The following BACH1 variants were observed in gnomAD, a reference collection of about 807,000 sequenced individuals.
BACH1 encodes the protein transcription regulator protein BACH1.
In BACH1, 35 loss-of-function variants were observed where a neutral mutation model predicts 52.9. The ratio of observed to expected loss-of-function variants is 0.66; its 90% CI spans 0.51 to 0.88. BACH1 has a LOEUF of 0.88. Ranked by LOEUF, BACH1 falls within the 40% of genes least tolerant of loss-of-function variation. The pLI is 0.00. For missense variants in BACH1, 808 were observed against 872.6 expected (o/e 0.93, Z 0.93); for synonymous variants, 321 against 319.6 (o/e 1.00, Z -0.05).
chr21:29,357,128 A>C (rs1263140566), intron 2 of BACH1, among the ~76,000 whole-genome samples: 1 of 152,220 alleles, frequency 6.6e-6, no homozygotes, highest in Non-Finnish European at 1.5e-5. Context: ...CATACTTGCT[A>C]TCTGTATACA....
chr21:29,325,232 A>C (rs1430507262), intron 2 of BACH1, among the ~76,000 whole-genome samples: 1 of 148,886 alleles, frequency 6.7e-6, no homozygotes, highest in Admixed American at 6.7e-5. Context: ...TCCGTCTTAG[A>C]AAAAAAAAAA....
Position 29,343,892 on chromosome 21 carries a change from G to C in BACH1, c.*1059G>C, listed in dbSNP as rs1019417447. On this transcript the variant is annotated 3_prime_UTR_variant, in exon 5 of 5. Coordinates refer to ENST00000286800, the MANE Select transcript of BACH1 (RefSeq NM_001186.4). ...AAATGTATCTGCAGCAACTCTGCAG[G>C]TTTGTGAAATAGGATGAAACTCAAT... 6.6e-6 allele frequency: 1 copy of C among 152,204 alleles called. No homozygotes were observed. Among genetic ancestry groups the C allele is most frequent in the Admixed American group, 6.5e-5 (1 of 15,278 alleles). The allele number at this position is 152,204 out of a possible 1,614,324, so 9.4% of individuals were successfully genotyped here.
intron 1 of BACH1, among the ~76,000 whole-genome samples, chr21:29,305,502 T>C (rs1322189333): frequency 3.3e-5 from 5 of 152,186 alleles, no homozygotes; most frequent in Admixed American, 6.5e-5. Flanking sequence ...GGGCCACCTT[T>C]TCTTCTTTGA....
At chr21:29,339,401 G>A (rs1370789626) in intron 4 of BACH1, among the ~76,000 whole-genome samples, 1 of 152,048 alleles carries the variant, frequency 6.6e-6, no homozygotes, top group Non-Finnish European at 1.5e-5. Flanking sequence ...AGTGCCATTT[G>A]CAGATTTCTC....
chr21:29,319,307 TAAGAG>T (rs2088822437), intron 1 of BACH1, among the ~76,000 whole-genome samples: 1 of 152,090 alleles, frequency 6.6e-6, no homozygotes. Context: ...GACAGGGTCT[TAAGAG>T]AAGGTATTGG....
intron 1 of BACH1, among the ~76,000 whole-genome samples, chr21:29,303,509 C>G (rs1055777615): frequency 2.0e-5 from 3 of 152,194 alleles, no homozygotes; most frequent in Non-Finnish European, 4.4e-5. Context: ...GAGAGAACAT[C>G]GTGTGTGGTA....
chr21:29,332,957 T>G (rs1188364913), intron 4 of BACH1, among the ~76,000 whole-genome samples: 1 of 152,150 alleles, frequency 6.6e-6, no homozygotes, highest in Non-Finnish European at 1.5e-5. Flanking sequence ...AGAGAAGTTG[T>G]GTTGGAATTT....
chr21:29,330,431 C>T (rs975502786), intron 4 of BACH1, among the ~76,000 whole-genome samples: 5 of 152,120 alleles, frequency 3.3e-5, no homozygotes, highest in African/African-American at 7.2e-5. Context: ...CTGCCTGTCT[C>T]GGCCTCCCAA....
chr21:29,359,460 G>A (rs2089258213), intron 2 of BACH1: 1 of 150,438 alleles, frequency 6.6e-6, no homozygotes, highest in Admixed American at 6.7e-5. Flanking sequence ...TCCATCTGGG[G>A]TGAACAGTTG....
At chr21:29,315,028 T>C (rs1381960733) in intron 1 of BACH1, among the ~76,000 whole-genome samples, 2 of 152,216 alleles carry the variant, frequency 1.3e-5, no homozygotes, top group African/African-American at 2.4e-5. Flanking sequence ...TTCCACAGAC[T>C]TTCTGATGTT....
intron 4 of BACH1, among the ~76,000 whole-genome samples, chr21:29,334,938 TGTC>T (rs963772503): frequency 6.6e-6 from 1 of 152,232 alleles, no homozygotes; most frequent in African/African-American, 2.4e-5. Flanking sequence ...CATTCCGTGT[TGTC>T]GTTGAGCAGC....
At chr21:29,355,084 TG>T (rs1175298966) in intron 2 of BACH1, among the ~76,000 whole-genome samples, 1 of 152,206 alleles carries the variant, frequency 6.6e-6, no homozygotes, top group African/African-American at 2.4e-5. Flanking sequence ...CCCTGCTGAC[TG>T]GGGTGGCCAG....
chr21:29,360,077 C>T (rs1316156682), intron 2 of BACH1, among the ~76,000 whole-genome samples: 3 of 152,204 alleles, frequency 2.0e-5, no homozygotes, highest in African/African-American at 7.2e-5. Context: ...CTACCTCTGA[C>T]CTGGAATCCC....
chr21:29,346,869 C>T (rs1167706857), downstream of BACH1, among the ~76,000 whole-genome samples: 1 of 151,896 alleles, frequency 6.6e-6, no homozygotes, highest in African/African-American at 2.4e-5. Flanking sequence ...AGAAGATGGT[C>T]TCTGGGGAGA....
intron 2 of BACH1, chr21:29,351,783 G>A (rs947020602): frequency 5.6e-6 from 3 of 533,816 alleles, no homozygotes; most frequent in Non-Finnish European, 1.2e-5. Context: ...ACACAGGAAT[G>A]AGAAGTAGAG....
intron 4 of BACH1, among the ~76,000 whole-genome samples, chr21:29,339,629 G>GTTTTTTT (rs34979217): frequency 1.0e-5 from 1 of 98,538 alleles, no homozygotes; most frequent in Non-Finnish European, 1.9e-5. Context: ...AGATGCAAAG[G>GTTTTTTT]TTTTTTTTTT....
rs10595449 is a variant in BACH1 at position 29,344,634 on chromosome 21, TTGTGTGTGTGTGTGTGTGTG to T, written c.*1817_*1836del. ...AGTGCATCCCATACTGCAAAAGAAT[TTGTGTGTGTGTGTGTGTGTG>T]TGTGTGTGTGTGTGTATGTGTATGT... is the stretch of plus-strand genomic sequence containing the variant. On this transcript the variant is annotated 3_prime_UTR_variant, in exon 5 of 5. Transcript: ENST00000286800. 1 of 149,202 alleles carries T rather than the reference TTGTGTGTGTGTGTGTGTGTG, an allele frequency of 6.7e-6. No individual in the cohort carries two copies. The highest frequency in any genetic ancestry group is 1.5e-5 in the Non-Finnish European group (1 of 67,010). The allele number at this position is 149,202 out of a possible 1,614,324, so 9.2% of individuals were successfully genotyped here.
intron 1 of BACH1, among the ~76,000 whole-genome samples, chr21:29,311,336 A>G (rs16983962): frequency 0.02 from 3,061 of 152,284 alleles, 81 homozygotes; most frequent in African/African-American, 0.062. Flanking sequence ...AACCATTTAC[A>G]TTTAACTAAA....
chr21:29,322,370 AAC>A lies in BACH1; in HGVS notation c.234+858_234+859del, dbSNP rs2088858875. Among the ~76,000 whole-genome samples the A allele has an allele frequency of 2.0e-5, 3 of 152,328 alleles. No homozygotes were observed. In the South Asian group the frequency reaches 6.2e-4, roughly 32 times the overall value. On this transcript the variant is annotated intron_variant, in intron 2 of 4. Transcript: ENST00000286800. ...CTTTATGTATTGATTAGAAAAAATA[AAC>A]AGTGTTGCGTCATTTTTATATAGCC...
Sources: gnomAD v4.1 joint callset for allele counts (sites outside exome capture counted in the v4.1 genomes callset) on GRCh38, gnomAD v4.1.1 for gene constraint, MANE v1.5 for transcripts, NCBI Gene and HGNC (gene_info 2026-07-23, HGNC 2026-07-21) for gene names.